The following SLC44A5 variants were observed in gnomAD, a reference collection of about 807,000 sequenced individuals.
SLC44A5 encodes choline transporter-like protein 5.
Under a neutral mutation model 101.8 loss-of-function variants are expected in SLC44A5, and 57 were observed. The ratio of observed to expected loss-of-function variants is 0.56; its 90% confidence interval spans 0.45 to 0.70. The LOEUF (loss-of-function observed/expected upper bound fraction) is 0.70, where lower values mean the gene tolerates loss of function less well. SLC44A5 is among the 30% of genes least tolerant of loss of function. SLC44A5 has a pLI of 0.00. For missense variants in SLC44A5, 737 were observed against 853.1 expected (o/e 0.86, Z 1.70); for synonymous variants, 281 against 290.9 (o/e 0.97, Z 0.35).
chr1:75,224,685 C>A (rs989547810), intron 13 of SLC44A5, among the ~76,000 whole-genome samples: 6 of 151,970 alleles, frequency 3.9e-5, no homozygotes, highest in Admixed American at 1.3e-4. Context: ...ATCCTCCCAC[C>A]TTGGCCTCCC....
chr1:75,298,421 C>G (rs773899769), intron 5 of SLC44A5, among the ~76,000 whole-genome samples: 2 of 152,066 alleles, frequency 1.3e-5, no homozygotes, highest in Non-Finnish European at 2.9e-5. Context: ...CATTTATCTG[C>G]CAATTTCCTT....
rs547084430 is a variant in SLC44A5, at chr1:75,582,521, G to C, written c.-70+28519C>G. ...AGCTCCAGCTTCAATTCCAGCTCAG[G>C]CTCCCAAAGGCGCCCAGGCCACTAC... On this transcript the variant is annotated intron_variant, in intron 1 of 23. Transcript: ENST00000370859. 15 of 553,642 alleles carry C rather than the reference G, an allele frequency of 2.7e-5. No individual in the cohort carries two copies. In the South Asian group the frequency reaches 3.5e-4, roughly 13 times the overall value. The allele number at this position is 553,642 out of a possible 1,614,324, so 34.3% of individuals were successfully genotyped here.
intron 2 of SLC44A5, among the ~76,000 whole-genome samples, chr1:75,429,948 T>C (rs1158906765): frequency 6.6e-6 from 1 of 152,082 alleles, no homozygotes; most frequent in Non-Finnish European, 1.5e-5. Flanking sequence ...GGATACAAAT[T>C]CCAAAATAGA....
the SLC44A5 span, among the ~76,000 whole-genome samples, chr1:75,716,694 G>T: frequency 0.042 from 6,444 of 152,178 alleles, 180 homozygotes; most frequent in African/African-American, 0.086. Context: ...CAACAGAAAA[G>T]ACACGGAGTC....
intron 3 of SLC44A5, among the ~76,000 whole-genome samples, chr1:75,354,559 C>T (rs746903217): frequency 2.2e-4 from 33 of 152,182 alleles, no homozygotes; most frequent in Non-Finnish European, 3.8e-4. Flanking sequence ...GAGCTTGGGG[C>T]CTTTGCAGCC....
At chr1:75,615,749 G>A (rs761404194), upstream of SLC44A5, 37 of 662,376 alleles carry the variant, frequency 5.6e-5, no homozygotes, top group Non-Finnish European at 6.7e-5. Context: ...TTCCCCGGCA[G>A]GAGCCTTCCA....
chr1:75,528,125 G>A (rs1197856846), intron 2 of SLC44A5, among the ~76,000 whole-genome samples: 2 of 152,054 alleles, frequency 1.3e-5, no homozygotes, highest in Non-Finnish European at 2.9e-5. Flanking sequence ...CCAGTTCTGA[G>A]AACCACTAAA....
chr1:75,307,194 A>G (rs563358597), intron 4 of SLC44A5, among the ~76,000 whole-genome samples: 1 of 152,258 alleles, frequency 6.6e-6, no homozygotes, highest in Non-Finnish European at 1.5e-5. Context: ...GGGACTGTCC[A>G]CTGCCTGTGA....
chr1:75,674,132 AG>A, the SLC44A5 span, among the ~76,000 whole-genome samples: 4 of 152,178 alleles, frequency 2.6e-5, no homozygotes, highest in African/African-American at 9.7e-5. Flanking sequence ...AATTCAAAAG[AG>A]CTGTTTTGAG....
intron 3 of SLC44A5, among the ~76,000 whole-genome samples, chr1:75,393,986 T>A (rs1661963981): frequency 6.6e-6 from 1 of 152,110 alleles, no homozygotes; most frequent in African/African-American, 2.4e-5. Flanking sequence ...GGGCTAGAGA[T>A]GTAAATCTAG....
At chr1:75,625,170 T>C in the SLC44A5 span, among the ~76,000 whole-genome samples, 1 of 152,148 alleles carries the variant, frequency 6.6e-6, no homozygotes, top group Non-Finnish European at 1.5e-5. Flanking sequence ...TTTCATATGG[T>C]GGGACTTCCC....
intron 4 of SLC44A5, among the ~76,000 whole-genome samples, chr1:75,301,217 T>C (rs1654426803): frequency 6.6e-6 from 1 of 152,132 alleles, no homozygotes; most frequent in Non-Finnish European, 1.5e-5. Context: ...ATAAAATGCC[T>C]CAAAAGTATA....
chr1:75,235,701 T>C (rs111956328), intron 11 of SLC44A5, among the ~76,000 whole-genome samples: 1,796 of 152,194 alleles, frequency 0.012, 17 homozygotes, highest in Non-Finnish European at 0.018. Context: ...ACTTAGACTT[T>C]ATTATGCATC....
intron 7 of SLC44A5, among the ~76,000 whole-genome samples, chr1:75,244,244 C>G (rs665575): frequency 0.73 from 110,442 of 152,018 alleles, 40,337 homozygotes; most frequent in East Asian, 0.93. Context: ...TCACTTGTTT[C>G]TGTGTGCCTG....
At chr1:75,215,112 T>C (rs892184983) in intron 19 of SLC44A5, among the ~76,000 whole-genome samples, 2 of 152,168 alleles carry the variant, frequency 1.3e-5, no homozygotes, top group African/African-American at 4.8e-5. Flanking sequence ...AATACTCTCA[T>C]TGGAGGTAAA....
At chr1:75,542,369 C>T (rs1374944902) in intron 1 of SLC44A5, among the ~76,000 whole-genome samples, 1 of 152,030 alleles carries the variant, frequency 6.6e-6, no homozygotes, top group Non-Finnish European at 1.5e-5. Flanking sequence ...AATATGATAG[C>T]ATAAGCATTT....
At chr1:75,261,396 C>T (rs1456239421) in intron 6 of SLC44A5, among the ~76,000 whole-genome samples, 2 of 152,064 alleles carry the variant, frequency 1.3e-5, no homozygotes, top group African/African-American at 4.8e-5. Context: ...AACACCTCTA[C>T]TCAAAGAAAC....
chr1:75,218,894 A>G (rs1647018796), intron 16 of SLC44A5, 142 bp from the exon 17 acceptor site: 4 of 727,918 alleles, frequency 5.5e-6, no homozygotes, highest in Admixed American at 5.8e-5. Context: ...ATTTTCTGTT[A>G]TATCACTTTA....
chr1:75,581,048 A>C (rs1403527101), intron 1 of SLC44A5, among the ~76,000 whole-genome samples: 2 of 152,204 alleles, frequency 1.3e-5, no homozygotes, highest in African/African-American at 2.4e-5. Flanking sequence ...GAAATATCTT[A>C]AGGCAATAAA....
Sources: allele counts gnomAD v4.1 joint callset (sites outside exome capture counted in the v4.1 genomes callset), GRCh38; gene constraint gnomAD v4.1.1; transcripts MANE v1.5; gene names NCBI Gene and HGNC (gene_info 2026-07-23, HGNC 2026-07-21).